Variants in DCHS2 observed in about 807,000 individuals in gnomAD.
DCHS2 encodes the protein protocadherin-23.
DCHS2 carries 142 observed loss-of-function variants against 182.4 expected under a neutral mutation model. The observed-to-expected ratio is 0.78, with a 90% CI of 0.68 to 0.89. The LOEUF (loss-of-function observed/expected upper bound fraction) is 0.89, where lower values mean the gene tolerates loss of function less well. Among genes scored for constraint, DCHS2 ranks in the 40% least tolerant of loss-of-function variants. The pLI is 0.00. For missense variants in DCHS2, 4,319 were observed against 4,198.6 expected, an observed-to-expected ratio of 1.03 and a Z score of -0.79; for synonymous variants, 1,740 against 1,663.3, an observed-to-expected ratio of 1.05 and a Z score of -1.12.
At chr4:154,486,414 A>T in intron 1 of DCHS2, 1 of 1,304,000 alleles carries the variant, frequency 7.7e-7, no homozygotes. Flanking sequence ...TGTTTTTATC[A>T]GATGACATGG....
intron 1 of DCHS2, among the ~76,000 whole-genome samples, chr4:154,479,813 C>T (rs182534910): frequency 6.6e-6 from 1 of 152,246 alleles, no homozygotes; most frequent in African/African-American, 2.4e-5. Flanking sequence ...TCCCTGTCAC[C>T]TCTCTTCTTT....
At chr4:154,315,449 G>A (rs1280978511) in intron 10 of DCHS2, among the ~76,000 whole-genome samples, 1 of 152,130 alleles carries the variant, frequency 6.6e-6, no homozygotes, top group Non-Finnish European at 1.5e-5. Flanking sequence ...TGAAAGAAAT[G>A]TGATGCTTTG....
intron 2 of DCHS2, chr4:154,374,093 C>T (rs1730778926): frequency 1.4e-6 from 1 of 699,678 alleles, no homozygotes; most frequent in South Asian, 2.0e-5. Flanking sequence ...TCAAAATTCC[C>T]AATGCACTTC....
At chr4:154,334,809 A>G (rs1728710841) in intron 4 of DCHS2, 59 bp downstream of exon 4, 1 of 1,425,768 alleles carries the variant, frequency 7.0e-7, no homozygotes, top group South Asian at 1.2e-5. Context: ...ACCGCCTACA[A>G]AAAAACAAGA....
intron 2 of DCHS2, chr4:154,373,798 A>T: frequency 1.3e-6 from 1 of 763,774 alleles, no homozygotes; most frequent in Non-Finnish European, 2.2e-6. Flanking sequence ...GGAGAAAATC[A>T]CAGCCAAGAT....
At position 154,298,161 on chromosome 4, in the gene DCHS2, C is replaced by T. The variant is rs142512414; in HGVS notation, c.6153G>A (p.Ser2051=). ...NPFDVFLSPE[S]PTNQTTVIVR... is the part of the protein sequence containing the mutation. ...CAATGACAGTTGTCTGGTTTGTAGG[C>T]GACTCGGGGGAAAGAAACACATCAA... is the stretch of plus-strand genomic sequence containing the variant. The change falls in exon 13 of 20, where the codon TCG becomes TCA. Residue 2051 remains serine (S), a synonymous_variant. Coordinates refer to ENST00000357232, the MANE Select transcript of DCHS2 (RefSeq NM_001358235.2). The T allele has an allele frequency of 2.2e-5, 35 of 1,613,902 alleles. No individual in the cohort carries two copies. Among genetic ancestry groups the T allele is most frequent in the Admixed American group, 2.0e-4 (12 of 59,988 alleles).
intron 15 of DCHS2, among the ~76,000 whole-genome samples, chr4:154,258,181 C>G (rs1732793505): frequency 6.6e-6 from 1 of 152,120 alleles, no homozygotes; most frequent in Non-Finnish European, 1.5e-5. Flanking sequence ...AGGCTGGTGA[C>G]TAGAGCAATC....
At chr4:154,284,804 C>T (rs1329568516) in intron 13 of DCHS2, among the ~76,000 whole-genome samples, 1 of 152,146 alleles carries the variant, frequency 6.6e-6, no homozygotes, top group Non-Finnish European at 1.5e-5. Flanking sequence ...TTGTCTAGGC[C>T]ACAAGGACCA....
chr4:154,375,795 G>T (rs1057244712), intron 2 of DCHS2, among the ~76,000 whole-genome samples: 7 of 152,056 alleles, frequency 4.6e-5, no homozygotes, highest in Non-Finnish European at 8.8e-5. Context: ...CATATTGCAA[G>T]TATAAGAATG....
rs70947158 is a variant in DCHS2, at chr4:154,304,632, AAAACAAACAAACAAAC to A, written c.5605+21_5605+36del. On this transcript the variant is annotated intron_variant, in intron 12 of 19. Transcript: ENST00000357232. ...TGACAGAGTGAGACTCTGTCTTAAA[AAAACAAACAAACAAAC>A]AAACAAACAAACAAACTTACCAATT... 111 of 1,499,666 alleles carry A rather than the reference AAAACAAACAAACAAAC, an allele frequency of 7.4e-5. 1 individual carries two copies. Among genetic ancestry groups the A allele is most frequent in the African/African-American group, 5.1e-4 (36 of 71,174 alleles). The allele number at this position is 1,499,666 out of a possible 1,614,324, so 92.9% of individuals were successfully genotyped here.
At chr4:154,418,526 A>G (rs1284411551) in intron 1 of DCHS2, among the ~76,000 whole-genome samples, 5 of 152,216 alleles carry the variant, frequency 3.3e-5, no homozygotes, top group African/African-American at 1.2e-4. Context: ...TTTGTAAAGT[A>G]TTTATTAAAA....
At chr4:154,408,718 C>T (rs7677219) in intron 1 of DCHS2, among the ~76,000 whole-genome samples, 1 of 152,186 alleles carries the variant, frequency 6.6e-6, no homozygotes, top group African/African-American at 2.4e-5. Context: ...CAGTAACCTA[C>T]GACAGACACA....
chr4:154,280,814 A>C (rs538651218), intron 13 of DCHS2, among the ~76,000 whole-genome samples: 1 of 150,646 alleles, frequency 6.6e-6, no homozygotes, highest in South Asian at 2.1e-4. Context: ...GGAACAAGAC[A>C]AGAATGCTCA....
Position 154,234,478 on chromosome 4 carries a change from A to G in DCHS2, c.*58T>C, listed in dbSNP as rs961005107. The G allele has an allele frequency of 4.1e-6, 6 of 1,463,960 alleles. No individual in the cohort carries two copies. In the Admixed American group the frequency reaches 7.8e-5, roughly 19 times the overall value. 90.7% of individuals were successfully genotyped at this position (1,463,960 alleles called of 1,614,324 possible). A position where few individuals can be genotyped will look rare whatever the true frequency, so the allele number is the denominator to read the frequency against. On this transcript the variant is annotated 3_prime_UTR_variant, in exon 20 of 20. Transcript: ENST00000357232. ...CCAATCTCGAGTTGCTGGCTTGAAAACATTTTGTTCATTCATTCATGACCA... is the reference window on the plus strand; with the variant it reads ...CCAATCTCGAGTTGCTGGCTTGAAAGCATTTTGTTCATTCATTCATGACCA...
At position 154,305,191 on chromosome 4, in the gene DCHS2, A is replaced by G; in HGVS notation, c.5301T>C (p.Ala1767=). ...AATTTATCTCGAATAATTCAAATGA[A>G]GCACCTGGCATGATTTCAAACTGAA... ...SKLQFEIMPG[A]SFELFEINSD... Residue 1767 remains alanine, a synonymous_variant, in exon 11 of 20, where the codon GCT becomes GCC. Transcript: ENST00000357232. The G allele has an allele frequency of 1.2e-6, 2 of 1,612,826 alleles. No homozygotes were observed. The highest frequency in any genetic ancestry group is 1.7e-6 in the Non-Finnish European group (2 of 1,179,438).
chr4:154,297,476 T>C (rs952241131), intron 13 of DCHS2, among the ~76,000 whole-genome samples: 2 of 152,206 alleles, frequency 1.3e-5, no homozygotes, highest in African/African-American at 4.8e-5. Flanking sequence ...ATTAAAAAGA[T>C]AAAAGCTAAA....
At position 154,329,578 on chromosome 4, in the gene DCHS2, T is replaced by C. The variant is rs139553675; in HGVS notation, c.3863A>G (p.Asn1288Ser). The C allele has an allele frequency of 1.5e-4, 235 of 1,613,574 alleles. 1 individual carries two copies. Among genetic ancestry groups the C allele is most frequent in the Non-Finnish European group, 1.8e-4 (216 of 1,179,942 alleles). ...MAVYVSVTDINDNRPFFPQCL... is the reference protein window; with the variant it reads ...MAVYVSVTDISDNRPFFPQCL... ...CTGGGGGAAGAAGGGCCTGTTATCA[T>C]TGATGTCAGTAACTGAGACGTAAAC... The change falls in exon 6 of 20, where the codon AAT becomes AGT. Residue 1288 changes from asparagine (N) to serine (S), a missense_variant. By Grantham distance (46) the Asn-to-Ser change is conservative (BLOSUM62 1). Coordinates refer to ENST00000357232, the MANE Select transcript of DCHS2 (RefSeq NM_001358235.2).
intron 3 of DCHS2, among the ~76,000 whole-genome samples, chr4:154,344,741 A>G (rs1240886898): frequency 4.6e-5 from 7 of 152,300 alleles, no homozygotes; most frequent in Non-Finnish European, 1.0e-4. Flanking sequence ...GCGGTGCCGC[A>G]GGGCTAGCGT....
chr4:154,357,781 C>G (rs1398676888), intron 3 of DCHS2, among the ~76,000 whole-genome samples: 4 of 152,146 alleles, frequency 2.6e-5, no homozygotes, highest in African/African-American at 9.7e-5. Context: ...TTAAAAACAA[C>G]TCTATACTAG....
Sources: allele counts gnomAD v4.1 joint callset (sites outside exome capture counted in the v4.1 genomes callset), GRCh38; gene constraint gnomAD v4.1.1; transcripts MANE v1.5; gene names NCBI Gene and HGNC (gene_info 2026-07-23, HGNC 2026-07-21).